The following AFG2A variants were observed in gnomAD, a reference collection of about 807,000 sequenced individuals.
The protein encoded by AFG2A is AAA ATPase AFG2A, also known as ATPase family gene 2 protein homolog A.
At chr4:123,284,793 G>C in the AFG2A span, among the ~76,000 whole-genome samples, 2 of 152,114 alleles carry the variant, frequency 1.3e-5, no homozygotes, top group Admixed American at 6.6e-5. Context: ...TTTTACAGAG[G>C]ATTTTTGGAT....
the AFG2A span, among the ~76,000 whole-genome samples, chr4:123,285,565 G>A: frequency 6.6e-6 from 1 of 152,052 alleles, no homozygotes; most frequent in Non-Finnish European, 1.5e-5. Flanking sequence ...GTGTGGGAGT[G>A]TGCACTCCCA....
chr4:123,028,166 G>A, the AFG2A span: 1 of 1,596,294 alleles, frequency 6.3e-7, no homozygotes, highest in Non-Finnish European at 8.5e-7. Context: ...CTTATATTTG[G>A]AAAATGTTCT....
chr4:122,933,556 A>G, the AFG2A span: 2 of 1,433,010 alleles, frequency 1.4e-6, no homozygotes, highest in Admixed American at 3.6e-5. Context: ...ATCAGCAAAT[A>G]AAGTGTCTTT....
the AFG2A span, among the ~76,000 whole-genome samples, chr4:123,268,142 A>C: frequency 6.6e-6 from 1 of 151,966 alleles, no homozygotes; most frequent in African/African-American, 2.4e-5. Flanking sequence ...TAATATTTGA[A>C]AAAAGCTAAA....
At chr4:122,952,677 G>A in the AFG2A span, among the ~76,000 whole-genome samples, 3 of 152,248 alleles carry the variant, frequency 2.0e-5, no homozygotes, top group South Asian at 2.1e-4. Flanking sequence ...AAGTTAGCAC[G>A]ATATCATCAC....
At chr4:123,129,534 G>A in the AFG2A span, among the ~76,000 whole-genome samples, 7 of 152,246 alleles carry the variant, frequency 4.6e-5, no homozygotes, top group South Asian at 1.0e-3. Context: ...CAGTCTCTGC[G>A]ATTACCTGTT....
the AFG2A span, among the ~76,000 whole-genome samples, chr4:123,293,757 G>A: frequency 6.6e-6 from 1 of 152,220 alleles, no homozygotes; most frequent in African/African-American, 2.4e-5. Flanking sequence ...GTGCTTACAA[G>A]GGCAGAGACA....
the AFG2A span, among the ~76,000 whole-genome samples, chr4:123,093,948 T>TA: frequency 6.6e-6 from 1 of 152,188 alleles, no homozygotes; most frequent in Non-Finnish European, 1.5e-5. Flanking sequence ...TCACATTATT[T>TA]ATCTGTGTGT....
At chr4:123,241,326 C>CA in the AFG2A span, among the ~76,000 whole-genome samples, 1 of 151,930 alleles carries the variant, frequency 6.6e-6, no homozygotes, top group African/African-American at 2.4e-5. Flanking sequence ...AGAGACAAAA[C>CA]AAAAAAAGAG....
At chr4:123,053,330 T>C in the AFG2A span, among the ~76,000 whole-genome samples, 6 of 152,232 alleles carry the variant, frequency 3.9e-5, no homozygotes. Context: ...ATACTCCGGC[T>C]GCGTGGAAAT....
the AFG2A span, among the ~76,000 whole-genome samples, chr4:123,242,115 A>G: frequency 3.3e-5 from 5 of 152,222 alleles, no homozygotes; most frequent in Non-Finnish European, 7.3e-5. Flanking sequence ...CCACTGCTCA[A>G]CAAAATAAAA....
the AFG2A span, among the ~76,000 whole-genome samples, chr4:123,197,182 T>C: frequency 6.6e-6 from 1 of 152,288 alleles, no homozygotes; most frequent in East Asian, 1.9e-4. Flanking sequence ...AACCCATGAA[T>C]CCAGACATAC....
chr4:122,926,403 T>C, the AFG2A span, among the ~76,000 whole-genome samples: 1 of 152,246 alleles, frequency 6.6e-6, no homozygotes, highest in Non-Finnish European at 1.5e-5. Flanking sequence ...CATTGGAAGG[T>C]TGAATTTCTG....
the AFG2A span, among the ~76,000 whole-genome samples, chr4:123,173,357 T>C: frequency 8.2e-6 from 1 of 121,564 alleles, no homozygotes; most frequent in Admixed American, 8.2e-5. Context: ...TTTTTTTTTT[T>C]TTTTTTTTTT....
the AFG2A span, among the ~76,000 whole-genome samples, chr4:123,078,871 C>A: frequency 1.3e-5 from 2 of 152,110 alleles, no homozygotes; most frequent in Non-Finnish European, 2.9e-5. Flanking sequence ...GACATTAAAG[C>A]CCCCAGTCCT....
chr4:123,215,107 T>C, the AFG2A span, among the ~76,000 whole-genome samples: 57 of 152,234 alleles, frequency 3.7e-4, no homozygotes, highest in East Asian at 6.6e-3. Flanking sequence ...CATGTTGATA[T>C]AGAAACATTC....
chr4:122,985,856 G>A, the AFG2A span, among the ~76,000 whole-genome samples: 1 of 150,846 alleles, frequency 6.6e-6, no homozygotes, highest in East Asian at 2.0e-4. Flanking sequence ...TCCTTGAGGT[G>A]TGACCTTAGA....
At chr4:123,305,164 C>G in the AFG2A span, among the ~76,000 whole-genome samples, 4 of 152,266 alleles carry the variant, frequency 2.6e-5, no homozygotes, top group African/African-American at 9.6e-5. Context: ...GAGGGGATGA[C>G]AGGATCCAAG....
At chr4:122,950,675 C>T in the AFG2A span, among the ~76,000 whole-genome samples, 3 of 152,212 alleles carry the variant, frequency 2.0e-5, no homozygotes, top group African/African-American at 7.2e-5. Context: ...GTAGGCTGCA[C>T]ACATCTGTTC....
Sources: allele counts gnomAD v4.1 joint callset (sites outside exome capture counted in the v4.1 genomes callset), GRCh38; gene constraint gnomAD v4.1.1; transcripts MANE v1.5; gene names NCBI Gene and HGNC (gene_info 2026-07-23, HGNC 2026-07-21).